Variants in NAALADL2 observed in about 807,000 individuals in gnomAD.
The protein encoded by NAALADL2 is inactive N-acetylated-alpha-linked acidic dipeptidase-like protein 2.
In NAALADL2, 76 loss-of-function variants were observed where a neutral mutation model predicts 87.2. The ratio of observed to expected loss-of-function variants is 0.87; its 90% confidence interval spans 0.72 to 1.05. The LOEUF (loss-of-function observed/expected upper bound fraction) is 1.05. Ranked by LOEUF, NAALADL2 falls within the 50% of genes least tolerant of loss-of-function variation. NAALADL2 has a pLI of 0.00. For missense variants in NAALADL2, 1,089 were observed against 945.8 expected (o/e 1.15, Z -1.99); for synonymous variants, 354 against 331.0 (o/e 1.07, Z -0.75).
At chr3:175,544,952 A>G (rs1324856134) in intron 9 of NAALADL2, among the ~76,000 whole-genome samples, 1 of 152,202 alleles carries the variant, frequency 6.6e-6, no homozygotes, top group East Asian at 1.9e-4. Flanking sequence ...ATACCCAAGG[A>G]CAAATGTACA....
At chr3:174,529,807 A>G (rs1721078235) in intron 1 of NAALADL2, among the ~76,000 whole-genome samples, 1 of 152,128 alleles carries the variant, frequency 6.6e-6, no homozygotes, top group South Asian at 2.1e-4. Context: ...CTAGAGCAGC[A>G]GGGACACGGC....
intron 5 of NAALADL2, among the ~76,000 whole-genome samples, chr3:175,440,801 C>G (rs369092216): frequency 7.9e-5 from 12 of 152,176 alleles, no homozygotes; most frequent in African/African-American, 2.4e-4. Context: ...TCTTTAGGGT[C>G]TCCTACTTAT....
chr3:175,357,236 A>G (rs1581562243), intron 5 of NAALADL2, among the ~76,000 whole-genome samples: 1 of 152,174 alleles, frequency 6.6e-6, no homozygotes, highest in African/African-American at 2.4e-5. Flanking sequence ...ACACTAAGGA[A>G]TAGGTCACAA....
At chr3:175,720,061 G>A (rs1465137035) in intron 11 of NAALADL2, among the ~76,000 whole-genome samples, 1 of 152,082 alleles carries the variant, frequency 6.6e-6, no homozygotes, top group African/African-American at 2.4e-5. Context: ...GGGAGAACAC[G>A]CTCAGGCCAT....
chr3:174,996,729 A>G (rs1447754856), intron 1 of NAALADL2, among the ~76,000 whole-genome samples: 1 of 151,928 alleles, frequency 6.6e-6, no homozygotes, highest in East Asian at 1.9e-4. Context: ...ATCTTTGTGC[A>G]CCAGTCACCC....
intron 2 of NAALADL2, among the ~76,000 whole-genome samples, chr3:174,582,650 C>T (rs1426700465): frequency 1.3e-5 from 2 of 151,216 alleles, no homozygotes; most frequent in Non-Finnish European, 3.0e-5. Context: ...GGTGTGATCT[C>T]GGCTCACTGC....
At chr3:175,081,956 G>C (rs1179321387) in intron 1 of NAALADL2, among the ~76,000 whole-genome samples, 1 of 152,128 alleles carries the variant, frequency 6.6e-6, no homozygotes, top group Non-Finnish European at 1.5e-5. Context: ...TAAGAGCTGT[G>C]CTAAGTGATT....
At chr3:175,721,235 G>T (rs892568958) in intron 11 of NAALADL2, among the ~76,000 whole-genome samples, 1 of 151,858 alleles carries the variant, frequency 6.6e-6, no homozygotes, top group Non-Finnish European at 1.5e-5. Flanking sequence ...AGTAAAAATA[G>T]AATATACAAT....
chr3:174,634,590 A>G (rs1187304254), intron 2 of NAALADL2, among the ~76,000 whole-genome samples: 1 of 152,168 alleles, frequency 6.6e-6, no homozygotes, highest in Non-Finnish European at 1.5e-5. Context: ...TAGTCATGAC[A>G]GATCCCCATC....
At chr3:175,070,670 A>G (rs1326731226) in intron 1 of NAALADL2, among the ~76,000 whole-genome samples, 4 of 152,112 alleles carry the variant, frequency 2.6e-5, no homozygotes, top group Non-Finnish European at 5.9e-5. Context: ...ATACTTTTTA[A>G]TAGACTTATA....
rs557975702 is a variant in NAALADL2 at position 175,083,831 on chromosome 3, T to C, written c.44-12959T>C. 2.6e-5 allele frequency among the ~76,000 whole-genome samples: 4 copies of C among 152,346 alleles called. No homozygotes were observed. In the South Asian group the frequency reaches 6.2e-4, roughly 24 times the overall value. The stretch of plus-strand genomic sequence containing the variant: ...TTATCTGACCCAAAATTCTATACTT[T>C]CTTTAAGATGCTATACCTATTTTGA... On this transcript the variant is annotated intron_variant, in intron 1 of 13. Transcript: ENST00000454872.
chr3:175,172,968 A>G (rs1290213728), intron 2 of NAALADL2, among the ~76,000 whole-genome samples: 2 of 152,110 alleles, frequency 1.3e-5, no homozygotes, highest in African/African-American at 2.4e-5. Context: ...TCTGTCAAAT[A>G]TAGATATTCG....
intron 1 of NAALADL2, among the ~76,000 whole-genome samples, chr3:174,548,313 A>G (rs989707017): frequency 7.9e-5 from 12 of 152,158 alleles, no homozygotes; most frequent in African/African-American, 1.9e-4. Flanking sequence ...GTTAAGTGAA[A>G]AAACAGAATG....
intron 1 of NAALADL2, among the ~76,000 whole-genome samples, chr3:174,935,576 G>T (rs1273176959): frequency 1.3e-5 from 2 of 152,070 alleles, no homozygotes; most frequent in African/African-American, 2.4e-5. Flanking sequence ...AACTTTTGTG[G>T]TTTATACACA....
intron 12 of NAALADL2, among the ~76,000 whole-genome samples, chr3:175,751,173 A>G (rs993574721): frequency 1.3e-5 from 2 of 152,182 alleles, no homozygotes; most frequent in African/African-American, 4.8e-5. Context: ...GTGATCTAAA[A>G]GAATCCTTTT....
chr3:174,462,505 A>G (rs1577962784), intron 1 of NAALADL2, among the ~76,000 whole-genome samples: 1 of 152,200 alleles, frequency 6.6e-6, no homozygotes, highest in East Asian at 1.9e-4. Flanking sequence ...TTTTAGGGAC[A>G]TAAGACGAAG....
intron 3 of NAALADL2, among the ~76,000 whole-genome samples, chr3:174,747,529 G>A (rs950830074): frequency 6.7e-6 from 1 of 149,422 alleles, no homozygotes; most frequent in Non-Finnish European, 1.5e-5. Context: ...GGCTGAGGCA[G>A]GAGAATCACT....
chr3:175,791,927 C>G (rs1325174039), intron 13 of NAALADL2, among the ~76,000 whole-genome samples: 1 of 144,874 alleles, frequency 6.9e-6, no homozygotes, highest in Non-Finnish European at 1.5e-5. Context: ...AAAAAAACAA[C>G]CCTGATATTT....
At chr3:174,522,544 C>A (rs1012692746) in intron 1 of NAALADL2, among the ~76,000 whole-genome samples, 4 of 152,030 alleles carry the variant, frequency 2.6e-5, no homozygotes, top group Non-Finnish European at 5.9e-5. Context: ...CCTGTAGTCC[C>A]AGTTACATGG....
Sources: allele counts gnomAD v4.1 joint callset (sites outside exome capture counted in the v4.1 genomes callset), GRCh38; gene constraint gnomAD v4.1.1; transcripts MANE v1.5; gene names NCBI Gene and HGNC (gene_info 2026-07-23, HGNC 2026-07-21).